The following DHX40 variants were observed in gnomAD, a reference collection of about 807,000 sequenced individuals.
The protein encoded by DHX40 is DEAH-box helicase 40, also known as probable ATP-dependent RNA helicase DHX40.
DHX40 carries 28 observed loss-of-function variants against 89.6 expected under a neutral mutation model. The observed-to-expected ratio is 0.31, with a 90% CI of 0.23 to 0.43. The LOEUF (loss-of-function observed/expected upper bound fraction) is 0.43, where lower values mean the gene tolerates loss of function less well. Ranked by LOEUF, DHX40 falls within the 20% of genes least tolerant of loss-of-function variation. The pLI is 1.00. For synonymous variants in DHX40, 226 were observed against 283.6 expected, an observed-to-expected ratio of 0.80 and a Z score of 2.04; for missense variants, 457 against 844.0, an observed-to-expected ratio of 0.54 and a Z score of 5.68.
At chr17:59,588,129 C>G in intron 12 of DHX40, 76 bp downstream of exon 12, 2 of 1,586,636 alleles carry the variant, frequency 1.3e-6, no homozygotes, top group African/African-American at 1.4e-5. Context: ...GCCTGTAATC[C>G]CATCACTTTG....
At chr17:59,583,686 C>T (rs1482967225) in intron 10 of DHX40, among the ~76,000 whole-genome samples, 1 of 129,422 alleles carries the variant, frequency 7.7e-6, no homozygotes, top group Non-Finnish European at 1.8e-5. Flanking sequence ...GGAGATCATC[C>T]TGGCTAACAC....
intron 2 of DHX40, 82 bp downstream of exon 2, chr17:59,566,876 G>A: frequency 8.0e-7 from 1 of 1,250,450 alleles, no homozygotes; most frequent in Non-Finnish European, 1.1e-6. Context: ...TGTACTCCAT[G>A]ATTGCCCAGT....
At chr17:59,603,091 A>T (rs1344678382) in intron 15 of DHX40, among the ~76,000 whole-genome samples, 1 of 152,176 alleles carries the variant, frequency 6.6e-6, no homozygotes, top group Non-Finnish European at 1.5e-5. Flanking sequence ...AGATTCATTA[A>T]ATACAGAGGA....
At chr17:59,591,814 G>A (rs1367851440) in intron 12 of DHX40, among the ~76,000 whole-genome samples, 2 of 151,684 alleles carry the variant, frequency 1.3e-5, no homozygotes, top group Admixed American at 1.3e-4. Flanking sequence ...ATCTGTATTA[G>A]GCAAGAACAA....
chr17:59,599,872 G>A (rs1422812618), intron 14 of DHX40, among the ~76,000 whole-genome samples: 6 of 147,668 alleles, frequency 4.1e-5, no homozygotes, highest in Non-Finnish European at 8.9e-5. Context: ...CACCCAGGCT[G>A]AAGTGCAGTG....
At chr17:59,605,085 G>A in intron 15 of DHX40, 30 bp from the exon 16 acceptor site, 1 of 1,596,978 alleles carries the variant, frequency 6.3e-7, no homozygotes, top group Non-Finnish European at 8.6e-7. Flanking sequence ...TACTGTTGTA[G>A]TCTTTATCAT....
intron 14 of DHX40, among the ~76,000 whole-genome samples, chr17:59,601,205 C>A (rs540076312): frequency 6.6e-6 from 1 of 151,724 alleles, no homozygotes; most frequent in East Asian, 1.9e-4. Flanking sequence ...AGTTACTCAG[C>A]AGGGTGAGGT....
intron 15 of DHX40, chr17:59,603,220 A>T (rs1034648098): frequency 6.6e-6 from 1 of 152,186 alleles, no homozygotes; most frequent in Admixed American, 6.5e-5. Flanking sequence ...TGATGAAGTT[A>T]TGGGTTTCAT....
chr17:59,581,146 A>C (rs1261251018), intron 10 of DHX40, among the ~76,000 whole-genome samples: 1 of 147,874 alleles, frequency 6.8e-6, no homozygotes, highest in Non-Finnish European at 1.5e-5. Flanking sequence ...TTGTATGGCC[A>C]GCATCATACT....
In DHX40 at chr17:59,608,137, C is replaced by G. The variant is rs919510346; in HGVS notation, c.*965C>G. 6.5e-6 allele frequency: 1 copy of G among 154,736 alleles called. No homozygotes were observed. The highest frequency in any genetic ancestry group is 1.5e-5 in the Non-Finnish European group (1 of 68,216). 9.6% of individuals were successfully genotyped at this position (154,736 alleles called of 1,614,324 possible). ...GAGGCTAGTTAGTATCACACTCAGG[C>G]CACACTCAGCACTTGCCCACTCTTG... On this transcript the variant is annotated 3_prime_UTR_variant, in exon 18 of 18. Coordinates refer to ENST00000251241, the MANE Select transcript of DHX40 (RefSeq NM_024612.5).
At chr17:59,577,098 T>C in intron 7 of DHX40, 168 bp from the exon 8 acceptor site, 1 of 660,286 alleles carries the variant, frequency 1.5e-6, no homozygotes, top group Non-Finnish European at 2.8e-6. Flanking sequence ...CTCGATATCC[T>C]GACCTTGTGA....
intron 15 of DHX40, among the ~76,000 whole-genome samples, 153 bp downstream of exon 15, chr17:59,602,769 G>A (rs1195930213): frequency 6.6e-6 from 1 of 152,190 alleles, no homozygotes; most frequent in African/African-American, 2.4e-5. Context: ...ACAGTGACGA[G>A]GGAGAGCTGC....
intron 12 of DHX40, among the ~76,000 whole-genome samples, chr17:59,589,126 A>G (rs1164487635): frequency 6.6e-6 from 1 of 151,870 alleles, no homozygotes; most frequent in South Asian, 2.1e-4. Flanking sequence ...TTCCTCTTCA[A>G]AATTGTTTAG....
chr17:59,566,562 A>G (rs2048707990), intron 1 of DHX40, 65 bp from the exon 2 acceptor site: 2 of 1,451,334 alleles, frequency 1.4e-6, no homozygotes, highest in East Asian at 2.6e-5. Context: ...GGTTTTAGTC[A>G]TGAGAAATTG....
chr17:59,591,303 C>T (rs1378849251), intron 12 of DHX40, among the ~76,000 whole-genome samples: 2 of 149,580 alleles, frequency 1.3e-5, no homozygotes, highest in African/African-American at 4.9e-5. Context: ...AGACTCCATC[C>T]CCAAAAAGAA....
chr17:59,572,287 T>C (rs1268215650), intron 3 of DHX40, among the ~76,000 whole-genome samples: 3 of 152,176 alleles, frequency 2.0e-5, no homozygotes, highest in Admixed American at 2.0e-4. Flanking sequence ...TGGTCACTGT[T>C]TTTTCTTTCT....
intron 10 of DHX40, 135 bp from the exon 11 acceptor site, chr17:59,586,018 T>C: frequency 1.5e-6 from 1 of 687,140 alleles, no homozygotes; most frequent in East Asian, 2.9e-5. Context: ...CATGATCATA[T>C]AATTTTTTTT....
chr17:59,571,754 C>G (rs929147680), intron 3 of DHX40, among the ~76,000 whole-genome samples: 1 of 151,958 alleles, frequency 6.6e-6, no homozygotes, highest in Non-Finnish European at 1.5e-5. Flanking sequence ...CCACGCCCAG[C>G]TAATTTTTTG....
chr17:59,607,375 T>A lies in DHX40; in HGVS notation c.*203T>A. 2.0e-6 allele frequency: 2 copies of A among 978,402 alleles called. No individual in the cohort carries two copies. The highest frequency in any genetic ancestry group is 3.1e-6 in the Non-Finnish European group (2 of 647,946). 60.6% of individuals were successfully genotyped at this position (978,402 alleles called of 1,614,324 possible). ...TGTCAAAGAAAAGATTTGGTTGCCA[T>A]AGTCATAAGCAATGATACATGAAAC... On this transcript the variant is annotated 3_prime_UTR_variant, in exon 18 of 18. Coordinates refer to ENST00000251241, the MANE Select transcript of DHX40 (RefSeq NM_024612.5).
Sources: allele counts gnomAD v4.1 joint callset (sites outside exome capture counted in the v4.1 genomes callset), GRCh38; gene constraint gnomAD v4.1.1; transcripts MANE v1.5; gene names NCBI Gene and HGNC (gene_info 2026-07-23, HGNC 2026-07-21).